The following LYRM4 variants were observed in gnomAD, a reference collection of about 807,000 sequenced individuals.
LYRM4 encodes LYR motif containing 4.
In LYRM4, 9 loss-of-function variants were observed where a neutral mutation model predicts 11.7. The ratio of observed to expected loss-of-function variants is 0.77; its 90% CI spans 0.46 to 1.34. LYRM4 has a LOEUF of 1.34. LYRM4 is among the 40% of genes most tolerant of loss of function. The probability of loss-of-function intolerance (pLI) is 0.00; values close to 1 mark genes in which losing one functional copy is unlikely to be tolerated. For synonymous variants in LYRM4, 42 were observed against 40.4 expected, an observed-to-expected ratio of 1.04 and a Z score of -0.15; for missense variants, 133 against 112.5, an observed-to-expected ratio of 1.18 and a Z score of -0.82.
chr6:5,230,481 C>G (rs1763172882), intron 1 of LYRM4, among the ~76,000 whole-genome samples: 1 of 152,202 alleles, frequency 6.6e-6, no homozygotes, highest in Non-Finnish European at 1.5e-5. Context: ...CCAGCTCAAG[C>G]TTCCATCAGG....
At chr6:5,080,392 C>T in the LYRM4 span, among the ~76,000 whole-genome samples, 3 of 152,218 alleles carry the variant, frequency 2.0e-5, no homozygotes, top group African/African-American at 7.2e-5. Flanking sequence ...TGTCATTGGT[C>T]ATACTGGGAT....
chr6:5,055,377 A>T, the LYRM4 span, among the ~76,000 whole-genome samples: 1 of 152,214 alleles, frequency 6.6e-6, no homozygotes, highest in African/African-American at 2.4e-5. The surrounding 1 kb of genome is among the most constrained non-coding windows in gnomAD (Gnocchi z 4.5). Flanking sequence ...AATTGAGATA[A>T]GTCTCAAATA....
the LYRM4 span, among the ~76,000 whole-genome samples, chr6:5,077,372 T>A: frequency 1.3e-5 from 2 of 152,090 alleles, no homozygotes; most frequent in Non-Finnish European, 1.5e-5. Context: ...GTTGAGAAGG[T>A]GAATGAAGGG....
intron 2 of LYRM4, among the ~76,000 whole-genome samples, chr6:5,137,281 TA>T (rs1356533247): frequency 6.6e-6 from 1 of 152,256 alleles, no homozygotes; most frequent in Non-Finnish European, 1.5e-5. Flanking sequence ...TGGCTATTGC[TA>T]ATAAGGTTTC....
the LYRM4 span, among the ~76,000 whole-genome samples, chr6:5,098,293 G>C: frequency 1.9e-3 from 287 of 152,328 alleles, no homozygotes; most frequent in African/African-American, 5.9e-3. Context: ...TGAGTCTCTG[G>C]TAGGGCAGGC....
the LYRM4 span, among the ~76,000 whole-genome samples, chr6:5,059,404 A>G: frequency 6.7e-6 from 1 of 149,884 alleles, no homozygotes; most frequent in African/African-American, 2.5e-5. Flanking sequence ...CTTTTATTGC[A>G]CTAATAAAAA....
intron 1 of LYRM4, among the ~76,000 whole-genome samples, chr6:5,251,533 G>C (rs551845724): frequency 6.6e-6 from 1 of 152,162 alleles, no homozygotes; most frequent in Non-Finnish European, 1.5e-5. Context: ...GCAAGCAAGC[G>C]AGGAAGGAGA....
chr6:5,152,436 G>A (rs1488642113), intron 2 of LYRM4, among the ~76,000 whole-genome samples: 2 of 152,132 alleles, frequency 1.3e-5, no homozygotes, highest in Non-Finnish European at 2.9e-5. Context: ...TAAATAGGGG[G>A]CGAGAGCTGG....
At chr6:5,254,962 A>G (rs906444707) in intron 1 of LYRM4, among the ~76,000 whole-genome samples, 1 of 152,098 alleles carries the variant, frequency 6.6e-6, no homozygotes, top group African/African-American at 2.4e-5. Context: ...AACCCCCACA[A>G]TCTGGGTTCT....
At chr6:5,121,183 G>A (rs534448902) in intron 2 of LYRM4, among the ~76,000 whole-genome samples, 1 of 152,256 alleles carries the variant, frequency 6.6e-6, no homozygotes, top group South Asian at 2.1e-4. Flanking sequence ...TTTCCTACCA[G>A]GTGTACTTTG....
intron 2 of LYRM4, among the ~76,000 whole-genome samples, chr6:5,177,201 G>T (rs1325880753): frequency 6.6e-6 from 1 of 152,226 alleles, no homozygotes; most frequent in East Asian, 1.9e-4. Flanking sequence ...TGTGACCACT[G>T]CTGAAATCAC....
chr6:5,168,223 T>C lies in LYRM4; in HGVS notation c.207+48395A>G, dbSNP rs1759206337. On this transcript the variant is annotated intron_variant, in intron 2 of 2. Transcript: ENST00000330636. ...AAATCATCTTCTGCAACCACTCATGTAATAAGTAAATCAGGCAAGGGTGAT... is the reference window on the plus strand; with the variant it reads ...AAATCATCTTCTGCAACCACTCATGCAATAAGTAAATCAGGCAAGGGTGAT... 3.3e-5 allele frequency among the ~76,000 whole-genome samples: 5 copies of C among 152,158 alleles called. No homozygotes were observed. In the South Asian group the frequency reaches 1.0e-3, roughly 32 times the overall value.
chr6:5,136,145 C>T (rs1458364177), intron 2 of LYRM4: 3 of 300,098 alleles, frequency 1.0e-5, no homozygotes, highest in African/African-American at 4.5e-5. Context: ...TTCATCCAGG[C>T]GTCTGTTGAG....
At chr6:5,241,936 C>G (rs2773299) in intron 1 of LYRM4, among the ~76,000 whole-genome samples, 44,420 of 151,924 alleles carry the variant, frequency 0.29, 8,283 homozygotes, top group African/African-American at 0.53. Flanking sequence ...TAGCAAGGCC[C>G]TAAGATCCTC....
At chr6:5,038,864 G>C in the LYRM4 span, among the ~76,000 whole-genome samples, 673 of 14,812 alleles carry the variant, frequency 0.045, 104 homozygotes, top group African/African-American at 0.1. Context: ...GAGGGAGACC[G>C]CGGAAGGAGA....
intron 2 of LYRM4, among the ~76,000 whole-genome samples, chr6:5,125,362 G>A (rs1287983615): frequency 6.6e-6 from 1 of 152,166 alleles, no homozygotes; most frequent in Non-Finnish European, 1.5e-5. Flanking sequence ...CCTCGACATG[G>A]AACCTTTGGT....
intron 2 of LYRM4, among the ~76,000 whole-genome samples, chr6:5,193,133 A>G (rs1454930546): frequency 6.6e-6 from 1 of 152,208 alleles, no homozygotes; most frequent in Non-Finnish European, 1.5e-5. Flanking sequence ...TCAAAATGCA[A>G]GATTCCTTAA....
chr6:5,197,528 A>T (rs1382262845), intron 2 of LYRM4, among the ~76,000 whole-genome samples: 2 of 151,754 alleles, frequency 1.3e-5, no homozygotes, highest in Non-Finnish European at 2.9e-5. Flanking sequence ...AAAAAAAATT[A>T]GCTGGGCATG....
intron 1 of LYRM4, among the ~76,000 whole-genome samples, chr6:5,242,074 C>CT (rs879606834): frequency 0.023 from 3,225 of 141,632 alleles, 83 homozygotes; most frequent in African/African-American, 0.054. Context: ...CTTGCTTACA[C>CT]TTTTTTTTTT....
Sources: gnomAD v4.1 joint callset for allele counts (sites outside exome capture counted in the v4.1 genomes callset) on GRCh38, gnomAD v4.1.1 for gene constraint, Gnocchi (gnomAD v3.1) non-coding constraint, MANE v1.5 for transcripts, NCBI Gene and HGNC (gene_info 2026-07-23, HGNC 2026-07-21) for gene names.